Variants in PTCHD4 observed in about 807,000 individuals in gnomAD.
PTCHD4 encodes the protein patched domain-containing protein 4.
Under a neutral mutation model 58.1 loss-of-function variants are expected in PTCHD4, and 33 were observed. The ratio of observed to expected loss-of-function variants is 0.57; its 90% confidence interval spans 0.43 to 0.76. PTCHD4 has a LOEUF of 0.76. PTCHD4 is among the 30% of genes least tolerant of loss of function. The probability of loss-of-function intolerance (pLI) is 0.00; values close to 1 mark genes in which losing one functional copy is unlikely to be tolerated. For missense variants in PTCHD4, 1,058 were observed against 1,027.1 expected, an observed-to-expected ratio of 1.03 and a Z score of -0.41; for synonymous variants, 478 against 409.6, an observed-to-expected ratio of 1.17 and a Z score of -2.02.
intron 4 of PTCHD4, among the ~76,000 whole-genome samples, chr6:47,993,750 G>A (rs1426298595): frequency 2.0e-5 from 3 of 152,154 alleles, no homozygotes; most frequent in Non-Finnish European, 4.4e-5. Context: ...AGATCCAGCA[G>A]GACATGGGGG....
chr6:48,013,478 C>A (rs1762761376), intron 3 of PTCHD4, among the ~76,000 whole-genome samples: 2 of 150,616 alleles, frequency 1.3e-5, no homozygotes, highest in South Asian at 4.2e-4. Flanking sequence ...CTGTGGTTCC[C>A]AAGGCTCTCT....
chr6:48,046,445 C>T (rs1484194257), intron 3 of PTCHD4, among the ~76,000 whole-genome samples: 2 of 151,758 alleles, frequency 1.3e-5, no homozygotes, highest in Non-Finnish European at 2.9e-5. Context: ...AGTACCATGA[C>T]TTCAGTTTAA....
At chr6:47,910,798 A>G (rs977344051) in intron 4 of PTCHD4, among the ~76,000 whole-genome samples, 3 of 152,024 alleles carry the variant, frequency 2.0e-5, no homozygotes, top group Non-Finnish European at 4.4e-5. Context: ...AAGCAATAAC[A>G]CCCTCGCTGA....
intron 3 of PTCHD4, among the ~76,000 whole-genome samples, chr6:48,051,081 C>T (rs1008618382): frequency 6.6e-6 from 1 of 151,902 alleles, no homozygotes; most frequent in Non-Finnish European, 1.5e-5. Context: ...AGCAAACAAC[C>T]TTTCAATCAG....
chr6:47,921,977 A>G lies in PTCHD4; in HGVS notation c.899-42041T>C, dbSNP rs192648721. 2.0e-4 allele frequency among the ~76,000 whole-genome samples: 30 copies of G among 150,768 alleles called. 1 individual carries two copies. In the East Asian group the frequency reaches 5.5e-3, roughly 27 times the overall value. On this transcript the variant is annotated intron_variant, in intron 4 of 4. Coordinates refer to ENST00000339488, the MANE Select transcript of PTCHD4 (RefSeq NM_001384253.1). The stretch of plus-strand genomic sequence containing the variant: ...AAAAAAAAAGAAAAGAAAAGAAAAG[A>G]AAAGAAAAGAAACTAGCCAGGCATG...
At chr6:48,067,131 C>A (rs1488528246) in intron 3 of PTCHD4, among the ~76,000 whole-genome samples, 1 of 152,134 alleles carries the variant, frequency 6.6e-6, no homozygotes, top group African/African-American at 2.4e-5. Context: ...CAGGGTCAAG[C>A]AGACAAATGG....
At chr6:48,003,514 C>T (rs1768818966) in intron 4 of PTCHD4, among the ~76,000 whole-genome samples, 1 of 152,132 alleles carries the variant, frequency 6.6e-6, no homozygotes, top group Non-Finnish European at 1.5e-5. Flanking sequence ...TCCTTTTTAT[C>T]ACCATCCCTG....
chr6:48,031,072 C>T (rs1178354129), intron 3 of PTCHD4, among the ~76,000 whole-genome samples: 1 of 152,096 alleles, frequency 6.6e-6, no homozygotes, highest in East Asian at 1.9e-4. Flanking sequence ...TTAAGTCAGG[C>T]TCCTGAACCT....
At chr6:47,962,442 C>A (rs1021820531) in intron 4 of PTCHD4, among the ~76,000 whole-genome samples, 1 of 151,890 alleles carries the variant, frequency 6.6e-6, no homozygotes, top group South Asian at 2.1e-4. Flanking sequence ...AATTGTAATC[C>A]CCATAATCCC....
chr6:48,040,398 A>G (rs1763801730), intron 3 of PTCHD4, among the ~76,000 whole-genome samples: 1 of 152,034 alleles, frequency 6.6e-6, no homozygotes, highest in African/African-American at 2.4e-5. Flanking sequence ...CATGGTCCAG[A>G]GGCAATTTCC....
At chr6:47,961,041 C>A (rs1388031314) in intron 4 of PTCHD4, among the ~76,000 whole-genome samples, 1 of 145,748 alleles carries the variant, frequency 6.9e-6, no homozygotes, top group African/African-American at 2.5e-5. Context: ...ATGGAGCAAA[C>A]AACAGCAGAA....
intron 4 of PTCHD4, among the ~76,000 whole-genome samples, chr6:47,940,092 A>G (rs1324180245): frequency 6.6e-6 from 1 of 152,110 alleles, no homozygotes; most frequent in Non-Finnish European, 1.5e-5. Context: ...TATGATCATA[A>G]TTGTTTTCTG....
intron 1 of PTCHD4, among the ~76,000 whole-genome samples, chr6:48,096,285 T>C (rs1288008810): frequency 2.6e-5 from 4 of 151,918 alleles, no homozygotes; most frequent in African/African-American, 9.7e-5. Context: ...CACAGACACA[T>C]AAGGGGACAC....
In PTCHD4 at chr6:48,034,161, G is replaced by A. The variant is rs540109362; in HGVS notation, c.418-25047C>T. 4.6e-5 allele frequency among the ~76,000 whole-genome samples: 7 copies of A among 152,168 alleles called. No individual in the cohort carries two copies. The South Asian group carries it at 1.2e-3, about 27-fold the overall frequency. On this transcript the variant is annotated intron_variant, in intron 3 of 4. Coordinates refer to ENST00000339488, the MANE Select transcript of PTCHD4 (RefSeq NM_001384253.1). ...GAAAATCCTGGGCCCCTGGATATTA[G>A]GGAAAAACAGGAAGTTTGGGTATAC...
chr6:48,000,117 G>A (rs146311063), intron 4 of PTCHD4, among the ~76,000 whole-genome samples: 87 of 152,248 alleles, frequency 5.7e-4, no homozygotes, highest in African/African-American at 2.0e-3. Context: ...AGGATTCATG[G>A]TTACAAGATG....
chr6:48,091,511 T>G (rs1349275941), intron 1 of PTCHD4, among the ~76,000 whole-genome samples: 1 of 152,178 alleles, frequency 6.6e-6, no homozygotes, highest in African/African-American at 2.4e-5. Flanking sequence ...GTCCTCAGAC[T>G]GGTAGCATCA....
At chr6:48,051,967 ACCTGTCTTCTTTC>A (rs1320674446) in intron 3 of PTCHD4, among the ~76,000 whole-genome samples, 1 of 151,960 alleles carries the variant, frequency 6.6e-6, no homozygotes, top group Non-Finnish European at 1.5e-5. Context: ...CTTCCTATTT[ACCTGTCTTCTTTC>A]CTGACTAGAT....
chr6:47,999,254 G>T (rs1340280667), intron 4 of PTCHD4, among the ~76,000 whole-genome samples: 1 of 152,206 alleles, frequency 6.6e-6, no homozygotes, highest in Non-Finnish European at 1.5e-5. Flanking sequence ...AGCTGGACTG[G>T]ACTCCAAGTC....
chr6:48,050,737 A>C (rs1764204337), intron 3 of PTCHD4, among the ~76,000 whole-genome samples: 1 of 151,970 alleles, frequency 6.6e-6, no homozygotes, highest in Non-Finnish European at 1.5e-5. Context: ...ATGAGACTTG[A>C]CCTATCCCTG....
Sources: allele counts gnomAD v4.1 joint callset (sites outside exome capture counted in the v4.1 genomes callset), GRCh38; gene constraint gnomAD v4.1.1; transcripts MANE v1.5; gene names NCBI Gene and HGNC (gene_info 2026-07-23, HGNC 2026-07-21).